The following SIPA1L1 variants were observed in gnomAD, a reference collection of about 807,000 sequenced individuals.
SIPA1L1 encodes the protein signal-induced proliferation-associated 1-like protein 1.
Under a neutral mutation model 162.7 loss-of-function variants are expected in SIPA1L1, and 26 were observed. The observed-to-expected ratio is 0.16, with a 90% CI of 0.12 to 0.22. The LOEUF (loss-of-function observed/expected upper bound fraction) is 0.22, where lower values mean the gene tolerates loss of function less well. Ranked by LOEUF, SIPA1L1 falls within the 10% of genes least tolerant of loss-of-function variation. The probability of loss-of-function intolerance (pLI) is 1.00; values close to 1 mark genes in which losing one functional copy is unlikely to be tolerated. For synonymous variants in SIPA1L1, 829 were observed against 837.4 expected, an observed-to-expected ratio of 0.99 and a Z score of 0.17; for missense variants, 1,874 against 2,241.0, an observed-to-expected ratio of 0.84 and a Z score of 3.31.
chr14:71,545,236 TA>T (rs1039274187), intron 4 of SIPA1L1, among the ~76,000 whole-genome samples: 3 of 152,136 alleles, frequency 2.0e-5, no homozygotes, highest in Non-Finnish European at 2.9e-5. Context: ...CATTTGTCAT[TA>T]AAAAAATAAA....
Position 71,730,308 on chromosome 14 carries a change from G to A in SIPA1L1, c.4861+7G>A. ...GGAATGAAATCGCTGCATGGTAAGT[G>A]GTCTTTCAGCTGCAGCCTGGATGGC... On this transcript the variant is annotated splice_region_variant and intron_variant, in intron 20 of 23. Coordinates refer to ENST00000381232, the MANE Select transcript of SIPA1L1 (RefSeq NM_001386936.1). 6.2e-7 allele frequency: 1 copy of A among 1,613,656 alleles called. No homozygotes were observed. The highest frequency in any genetic ancestry group is 1.1e-5 in the South Asian group (1 of 91,016).
intron 2 of SIPA1L1, among the ~76,000 whole-genome samples, chr14:71,367,440 G>C (rs1018078331): frequency 2.0e-5 from 3 of 151,392 alleles, no homozygotes; most frequent in African/African-American, 7.3e-5. Context: ...TCTAGTAGCT[G>C]GGACTACAGG....
intron 2 of SIPA1L1, among the ~76,000 whole-genome samples, chr14:71,475,951 A>G (rs1214501815): frequency 6.6e-6 from 1 of 152,200 alleles, no homozygotes; most frequent in East Asian, 1.9e-4. Flanking sequence ...TTAACAGTGT[A>G]ATTGAGAGCT....
chr14:71,603,747 C>A (rs1408576065), intron 5 of SIPA1L1, among the ~76,000 whole-genome samples: 1 of 151,556 alleles, frequency 6.6e-6, no homozygotes, highest in Non-Finnish European at 1.5e-5. Flanking sequence ...ATGGTGAGAC[C>A]CCATCTCTGC....
intron 2 of SIPA1L1, 95 bp downstream of exon 2, chr14:71,321,276 G>T (rs1312120392): frequency 6.6e-6 from 1 of 152,258 alleles, no homozygotes; most frequent in African/African-American, 2.4e-5. Context: ...GGGGTCCAGG[G>T]CCCGGAGCAG....
intron 2 of SIPA1L1, among the ~76,000 whole-genome samples, chr14:71,353,453 G>A (rs1594958463): frequency 1.3e-5 from 2 of 152,332 alleles, no homozygotes; most frequent in East Asian, 3.9e-4. Context: ...AGCTGAGAGA[G>A]GCATTGAGAC....
At chr14:71,537,691 T>C (rs549052060) in intron 4 of SIPA1L1, among the ~76,000 whole-genome samples, 208 of 151,626 alleles carry the variant, frequency 1.4e-3, no homozygotes, top group Non-Finnish European at 2.5e-3. Flanking sequence ...TCCTTTTCTC[T>C]CTCTCTCTTT....
At chr14:71,553,815 A>T (rs909654047) in intron 4 of SIPA1L1, among the ~76,000 whole-genome samples, 11 of 152,220 alleles carry the variant, frequency 7.2e-5, no homozygotes, top group African/African-American at 2.6e-4. Flanking sequence ...CCTAGTTTTT[A>T]GTGTAGAACT....
intron 3 of SIPA1L1, among the ~76,000 whole-genome samples, chr14:71,516,239 G>A (rs909698578): frequency 6.6e-6 from 1 of 152,122 alleles, no homozygotes; most frequent in African/African-American, 2.4e-5. Flanking sequence ...CAGTTATATT[G>A]ATTTGAAGAG....
chr14:71,335,075 C>T lies in SIPA1L1; in HGVS notation c.-465+13894C>T, dbSNP rs533208917. 1.3e-4 allele frequency among the ~76,000 whole-genome samples: 20 copies of T among 152,160 alleles called. No individual in the cohort carries two copies. In the South Asian group the frequency reaches 3.7e-3, roughly 28 times the overall value. On this transcript the variant is annotated intron_variant, in intron 2 of 23. Transcript: ENST00000381232. ...AAGCGCTTTGGGAGGCTGAGGCGGGCGGATCACGAGCTCAGGAGATCAAGA... is the reference window on the plus strand; with the variant it reads ...AAGCGCTTTGGGAGGCTGAGGCGGGTGGATCACGAGCTCAGGAGATCAAGA...
At chr14:71,705,948 T>C (rs954186015) in intron 16 of SIPA1L1, among the ~76,000 whole-genome samples, 1 of 152,122 alleles carries the variant, frequency 6.6e-6, no homozygotes, top group African/African-American at 2.4e-5. Context: ...GATACCGCTA[T>C]TGGGACGGGA....
intron 10 of SIPA1L1, 32 bp downstream of exon 10, chr14:71,661,499 G>A: frequency 6.3e-7 from 1 of 1,598,456 alleles, no homozygotes; most frequent in Non-Finnish European, 8.5e-7. Flanking sequence ...GGGGCTCTGT[G>A]GATGTTGGCT....
At chr14:71,738,203 G>A in intron 22 of SIPA1L1, 38 bp from the exon 23 acceptor site, 2 of 1,110,890 alleles carry the variant, frequency 1.8e-6, no homozygotes, top group Non-Finnish European at 2.6e-6. Context: ...CAGCCATGGA[G>A]GCCCCTGCCA....
chr14:71,551,103 T>C (rs1447547549), intron 4 of SIPA1L1, among the ~76,000 whole-genome samples: 4 of 152,200 alleles, frequency 2.6e-5, no homozygotes, highest in Non-Finnish European at 5.9e-5. Context: ...TTATGATATT[T>C]AGTCATTTAG....
intron 3 of SIPA1L1, among the ~76,000 whole-genome samples, chr14:71,520,430 A>G (rs914318550): frequency 6.6e-6 from 1 of 152,214 alleles, no homozygotes; most frequent in Admixed American, 6.5e-5. Flanking sequence ...GAAGTATGAT[A>G]TACACACAGA....
intron 4 of SIPA1L1, among the ~76,000 whole-genome samples, chr14:71,544,505 C>T (rs1188929534): frequency 4.6e-5 from 7 of 151,862 alleles, no homozygotes; most frequent in East Asian, 3.8e-4. Context: ...TCATGGTTAA[C>T]GCTGTACTAT....
intron 4 of SIPA1L1, among the ~76,000 whole-genome samples, chr14:71,564,388 A>G (rs1443234915): frequency 1.4e-5 from 2 of 143,528 alleles, no homozygotes; most frequent in Non-Finnish European, 3.0e-5. Context: ...TTAAACATAC[A>G]TGGAGGTCTG....
At position 71,390,389 on chromosome 14, in the gene SIPA1L1, G is replaced by A. The variant is rs1037058861; in HGVS notation, c.-465+69208G>A. Among the ~76,000 whole-genome samples, 6 of 152,114 alleles carry A rather than the reference G, an allele frequency of 3.9e-5. No homozygotes were observed. In the South Asian group the frequency reaches 8.3e-4, roughly 21 times the overall value. On this transcript the variant is annotated intron_variant, in intron 2 of 23. Transcript: ENST00000381232. ...GGAGAGGCAGCCATACTCTTGTATCGTGTTTATGAACTTAATATTATGAGC... is the reference window on the plus strand; with the variant it reads ...GGAGAGGCAGCCATACTCTTGTATCATGTTTATGAACTTAATATTATGAGC...
intron 7 of SIPA1L1, among the ~76,000 whole-genome samples, chr14:71,647,479 T>C (rs1247657119): frequency 1.3e-5 from 2 of 152,110 alleles, no homozygotes; most frequent in Admixed American, 6.5e-5. Flanking sequence ...AAGTTTTAAA[T>C]AGGCACCCAC....
Sources: allele counts gnomAD v4.1 joint callset (sites outside exome capture counted in the v4.1 genomes callset), GRCh38; gene constraint gnomAD v4.1.1; transcripts MANE v1.5; gene names NCBI Gene and HGNC (gene_info 2026-07-23, HGNC 2026-07-21).